Variants in CELSR2 observed in about 807,000 individuals in gnomAD.
CELSR2 encodes the protein cadherin EGF LAG seven-pass G-type receptor 2, also known as EGF-like protein 2.
In CELSR2, 81 loss-of-function variants were observed where a neutral mutation model predicts 251.6. That is an observed-to-expected ratio of 0.32 (90% CI 0.27 to 0.39). The LOEUF (loss-of-function observed/expected upper bound fraction) is 0.39. Ranked by LOEUF, CELSR2 falls within the 10% of genes least tolerant of loss-of-function variation. CELSR2 has a pLI of 1.00. For missense variants in CELSR2, 3,365 were observed against 3,947.7 expected, an observed-to-expected ratio of 0.85 and a Z score of 3.96; for synonymous variants, 1,721 against 1,670.5, an observed-to-expected ratio of 1.03 and a Z score of -0.74.
At position 109,262,946 on chromosome 1, in the gene CELSR2, T is replaced by C. The variant is rs202022169; in HGVS notation, c.4685T>C (p.Ile1562Thr). 3.8e-4 allele frequency: 611 copies of C among 1,613,624 alleles called. No individual in the cohort carries two copies. The Middle Eastern group carries it at 3.8e-3, about 10-fold the overall frequency. ...DSRHIDMADF[I>T]ANNGTVPGCP... ...CGGCACATAGACATGGCTGACTTCA[T>C]TGCCAACAATGGCACCGTGCCTGGT... The change falls in exon 7 of 34, where the codon ATT becomes ACT. Residue 1562 changes from isoleucine to threonine, a missense_variant. Physicochemically the swap from Ile to Thr is moderately conservative, Grantham distance 89. Transcript: ENST00000271332.
Position 109,261,089 on chromosome 1 carries a change from G to T in CELSR2, c.4006G>T (p.Val1336Phe), listed in dbSNP as rs771439750. The T allele has an allele frequency of 6.2e-7, 1 of 1,614,116 alleles. No individual in the cohort carries two copies. The highest frequency in any genetic ancestry group is 2.2e-5 in the East Asian group (1 of 44,888). The change falls in exon 3 of 34, where the codon GTC (valine) becomes TTC (phenylalanine). Residue 1336 changes from valine to phenylalanine, a missense_variant. Physicochemically the swap from Val to Phe is conservative, Grantham distance 50. Transcript: ENST00000271332. The surrounding 1 kb of genome is among the most constrained non-coding windows in gnomAD (Gnocchi z 4.8). ...SARSGRCTPG[V>F]CKNGGTCVNL... Reference sequence around the variant, plus strand: ...TCGCTCAGGCCGTTGCACCCCGGGTGTCTGCAAGAATGGGGGCACCTGTGT... The same window carrying T: ...TCGCTCAGGCCGTTGCACCCCGGGTTTCTGCAAGAATGGGGGCACCTGTGT...
rs1655935094 is a variant in CELSR2 at position 109,258,789 on chromosome 1, G to T, written c.3668G>T (p.Arg1223Leu). The stretch of plus-strand genomic sequence containing the variant: ...CTGCTGACGGCCATCTCGGCACAGC[G>T]CGTGCTGCCCTTCGACGACAACATC... ...RSLLTAISAQ[R>L]VLPFDDNICL... The change falls in exon 2 of 34, where the codon CGC becomes CTC. Residue 1223 changes from arginine (R) to leucine (L), a missense_variant. Coordinates refer to ENST00000271332, the MANE Select transcript of CELSR2 (RefSeq NM_001408.3). The T allele has an allele frequency of 6.2e-7, 1 of 1,607,626 alleles. No individual in the cohort carries two copies. Among genetic ancestry groups the T allele is most frequent in the African/African-American group, 1.3e-5 (1 of 74,836 alleles).
Position 109,273,690 on chromosome 1 carries a change from C to T in CELSR2, c.8744+20C>T, listed in dbSNP as rs199836697. ...CTCCGAGTGAGTGTGGCCGGGTGGGCGGGACGGGGTGCAGCCCCTCGGAGG... is the reference window on the plus strand; with the variant it reads ...CTCCGAGTGAGTGTGGCCGGGTGGGTGGGACGGGGTGCAGCCCCTCGGAGG... On this transcript the variant is annotated intron_variant, in intron 33 of 33. Coordinates refer to ENST00000271332, the MANE Select transcript of CELSR2 (RefSeq NM_001408.3). 71 of 467,694 alleles carry T rather than the reference C, an allele frequency of 1.5e-4. No individual in the cohort carries two copies. The East Asian group carries it at 2.9e-3, about 19-fold the overall frequency. 29.0% of individuals were successfully genotyped at this position (467,694 alleles called of 1,614,324 possible). A position where few individuals can be genotyped will look rare whatever the true frequency, so the allele number is the denominator to read the frequency against.
rs753241841 is a variant in CELSR2, at chr1:109,267,930, C to T, written c.6188C>T (p.Thr2063Met). The part of the protein sequence containing the change: ...QQLALLLRNA[T>M]QHTAGYFGSD... ...CTAGCCCTGCTCCTGCGCAACGCCA[C>T]GCAGCACACAGCTGGCTACTTCGGC... The change falls in exon 17 of 34, where the codon ACG becomes ATG. Residue 2063 changes from threonine to methionine, a missense_variant. Transcript: ENST00000271332. 5.0e-6 allele frequency: 8 copies of T among 1,611,674 alleles called. No homozygotes were observed. The highest frequency in any genetic ancestry group is 2.2e-5 in the East Asian group (1 of 44,892).
chr1:109,263,334 G>A, intron 8 of CELSR2, 67 bp downstream of exon 8: 3 of 1,527,224 alleles, frequency 2.0e-6, no homozygotes, highest in Non-Finnish European at 2.6e-6. Context: ...TGGCAGGGTT[G>A]GGGCAGGCAC....
Position 109,258,445 on chromosome 1 carries a change from C to T in CELSR2, c.3324C>T (p.Ser1108=), listed in dbSNP as rs771138790. Residue 1108 remains serine (S), a synonymous_variant, in exon 2 of 34, where the codon AGC becomes AGT. Coordinates refer to ENST00000271332, the MANE Select transcript of CELSR2 (RefSeq NM_001408.3). The part of the protein sequence containing the change: ...MSVLVSDGVH[S]VTAQCALRVT... The stretch of plus-strand genomic sequence containing the variant: ...CCCTCTCCACAGACGGCGTACACAG[C>T]GTGACCGCCCAGTGCGCGCTGCGTG... 5.7e-6 allele frequency: 9 copies of T among 1,589,054 alleles called. No individual in the cohort carries two copies. Among genetic ancestry groups the T allele is most frequent in the African/African-American group, 1.3e-5 (1 of 74,532 alleles).
In CELSR2 at chr1:109,253,080, G is replaced by C; in HGVS notation, c.3001G>C (p.Ala1001Pro). The C allele has an allele frequency of 6.2e-7, 1 of 1,613,736 alleles. No homozygotes were observed. Among genetic ancestry groups the C allele is most frequent in the Non-Finnish European group, 8.5e-7 (1 of 1,180,028 alleles). The change falls in exon 1 of 34, where the codon GCT becomes CCT. Residue 1001 changes from alanine to proline, a missense_variant. Coordinates refer to ENST00000271332, the MANE Select transcript of CELSR2 (RefSeq NM_001408.3). ...CGTCCTGGTCATCCAGGCCACGTCA[G>C]CTCCTCTGGTGAGCCGGGCTACAGT... The part of the protein sequence containing the change: ...EYVLVIQATS[A>P]PLVSRATVHV...
Position 109,250,208 on chromosome 1 carries a change from G to A in CELSR2, c.129G>A (p.Arg43=). The A allele has an allele frequency of 6.3e-7, 1 of 1,599,270 alleles. No individual in the cohort carries two copies. Among genetic ancestry groups the A allele is most frequent in the Non-Finnish European group, 8.5e-7 (1 of 1,174,332 alleles). ...QVGPCRSLGS[R]GRGSSGACAP... Reference sequence around the variant, plus strand: ...GGCCCTGTCGTTCCTTGGGGTCCAGGGGACGAGGCTCTTCGGGGGCCTGCG... The same window carrying A: ...GGCCCTGTCGTTCCTTGGGGTCCAGAGGACGAGGCTCTTCGGGGGCCTGCG... The change falls in exon 1 of 34, where the codon AGG becomes AGA. Residue 43 remains arginine (R), a synonymous_variant. Transcript: ENST00000271332. This position sits in a 1 kb window ranked among gnomAD's most constrained non-coding sequence, Gnocchi z 4.4.
intron 1 of CELSR2, among the ~76,000 whole-genome samples, chr1:109,257,965 C>T (rs557868157): frequency 3.9e-5 from 6 of 152,322 alleles, no homozygotes; most frequent in African/African-American, 1.2e-4. Context: ...CCACTCCCCC[C>T]CACCCCCGCC....
chr1:109,261,452 G>A lies in CELSR2; in HGVS notation c.4182-61G>A, dbSNP rs1656019412. The A allele has an allele frequency of 5.3e-6, 8 of 1,504,994 alleles. No individual in the cohort carries two copies. Among genetic ancestry groups the A allele is most frequent in the East Asian group, 2.3e-5 (1 of 44,340 alleles). The allele number at this position is 1,504,994 out of a possible 1,614,324, so 93.2% of individuals were successfully genotyped here. On this transcript the variant is annotated intron_variant, in intron 3 of 33. Coordinates refer to ENST00000271332, the MANE Select transcript of CELSR2 (RefSeq NM_001408.3). This position sits in a 1 kb window ranked among gnomAD's most constrained non-coding sequence, Gnocchi z 4.8. ...CCCTCCCCTGCGCTGGTTAGGTGGCGGGGGTGCTGGCATCCAGGTGGGTAC... is the reference window on the plus strand; with the variant it reads ...CCCTCCCCTGCGCTGGTTAGGTGGCAGGGGTGCTGGCATCCAGGTGGGTAC...
At position 109,249,938 on chromosome 1, in the gene CELSR2, C is replaced by G. The variant is rs1483573063; in HGVS notation, c.-142C>G. The G allele has an allele frequency of 1.2e-4, 93 of 751,866 alleles. No homozygotes were observed. The highest frequency in any genetic ancestry group is 1.6e-4 in the Non-Finnish European group (90 of 575,706). 46.6% of individuals were successfully genotyped at this position (751,866 alleles called of 1,614,324 possible). On this transcript the variant is annotated 5_prime_UTR_variant, in exon 1 of 34. Transcript: ENST00000271332. ...CAGCGCGGGGTCCCGCCGAGCCATCCAGACGCAGGCCCCGCGGGGCGCACG... is the reference window on the plus strand; with the variant it reads ...CAGCGCGGGGTCCCGCCGAGCCATCGAGACGCAGGCCCCGCGGGGCGCACG...
Position 109,258,803 on chromosome 1 carries a change from G to C in CELSR2, c.3682G>C (p.Asp1228His). Residue 1228 changes from aspartate (D) to histidine (H), a missense_variant, in exon 2 of 34, where the codon GAC becomes CAC. Transcript: ENST00000271332. ...CTCGGCACAGCGCGTGCTGCCCTTCGACGACAACATCTGCCTGCGGGAGCC... is the reference window on the plus strand; with the variant it reads ...CTCGGCACAGCGCGTGCTGCCCTTCCACGACAACATCTGCCTGCGGGAGCC... ...AISAQRVLPF[D>H]DNICLREPCE... 2 of 1,610,888 alleles carry C rather than the reference G, an allele frequency of 1.2e-6. No individual in the cohort carries two copies. Among genetic ancestry groups the C allele is most frequent in the Non-Finnish European group, 1.7e-6 (2 of 1,178,700 alleles).
chr1:109,261,191 C>T lies in CELSR2; in HGVS notation c.4108C>T (p.Arg1370Cys), dbSNP rs746383773. ...GAAGCCCTACTGCCAGGTGACCACG[C>T]GCAGCTTCCCCGCCCACTCCTTCAT... ...FEKPYCQVTTRSFPAHSFITF... is the reference protein window; with the variant it reads ...FEKPYCQVTTCSFPAHSFITF... The change falls in exon 3 of 34, where the codon CGC (arginine) becomes TGC (cysteine). Residue 1370 changes from arginine to cysteine, a missense_variant. Physicochemically the swap from Arg to Cys is radical, Grantham distance 180. This residue lies in a region of CELSR2 where 2,093 missense variants were observed against 2,382.8 expected (regional missense o/e 0.88). Coordinates refer to ENST00000271332, the MANE Select transcript of CELSR2 (RefSeq NM_001408.3). The surrounding 1 kb of genome is among the most constrained non-coding windows in gnomAD (Gnocchi z 4.8). 72 of 1,614,014 alleles carry T rather than the reference C, an allele frequency of 4.5e-5. No homozygotes were observed. The highest frequency in any genetic ancestry group is 5.8e-5 in the Non-Finnish European group (68 of 1,180,038).
At chr1:109,273,697 G>C in intron 33 of CELSR2, 27 bp downstream of exon 33, 10 of 1,387,842 alleles carry the variant, frequency 7.2e-6, no homozygotes, top group Non-Finnish European at 9.6e-6. Context: ...GGGCGGGACG[G>C]GGTGCAGCCC....
At chr1:109,270,284 G>A in intron 23 of CELSR2, 142 bp from the exon 24 acceptor site, 1 of 1,263,734 alleles carries the variant, frequency 7.9e-7, no homozygotes, top group Non-Finnish European at 1.1e-6. Flanking sequence ...GGCTCCCCCG[G>A]GATCCCCCAG....
chr1:109,253,418 T>C (rs1196762900), intron 1 of CELSR2, 29 bp downstream of exon 1: 2 of 1,597,832 alleles, frequency 1.3e-6, no homozygotes, highest in African/African-American at 2.7e-5. Context: ...GGCGCTGGGG[T>C]GGGGGTAGCT....
At chr1:109,257,408 C>G (rs1236688692) in intron 1 of CELSR2, among the ~76,000 whole-genome samples, 1 of 151,604 alleles carries the variant, frequency 6.6e-6, no homozygotes, top group Non-Finnish European at 1.5e-5. Context: ...TCCTCCTTCT[C>G]CAGGCCCCAG....
rs373282101 is a variant in CELSR2, at chr1:109,269,496, C to G, written c.6885C>G (p.Pro2295=). 9.3e-6 allele frequency: 15 copies of G among 1,613,978 alleles called. No homozygotes were observed. The highest frequency in any genetic ancestry group is 1.2e-5 in the Non-Finnish European group (14 of 1,180,044). The change falls in exon 21 of 34, where the codon CCC becomes CCG. Residue 2295 remains proline, a synonymous_variant. Coordinates refer to ENST00000271332, the MANE Select transcript of CELSR2 (RefSeq NM_001408.3). The surrounding 1 kb of genome is among the most constrained non-coding windows in gnomAD (Gnocchi z 6.4). The part of the protein sequence containing the change: ...ISVHDDEELL[P]RALDKPVTVQ... Reference sequence around the variant, plus strand: ...TCCATGATGATGAGGAGCTTCTGCCCCGGGCCCTGGACAAACCCGTCACGG... The same window carrying G: ...TCCATGATGATGAGGAGCTTCTGCCGCGGGCCCTGGACAAACCCGTCACGG...
In CELSR2 at chr1:109,264,068, C is replaced by A. The variant is rs747651661; in HGVS notation, c.5002-10C>A. 3.8e-6 allele frequency: 6 copies of A among 1,562,238 alleles called. No homozygotes were observed. The highest frequency in any genetic ancestry group is 5.2e-6 in the Non-Finnish European group (6 of 1,149,212). On this transcript the variant is annotated splice_polypyrimidine_tract_variant and intron_variant, in intron 9 of 33. Coordinates refer to ENST00000271332, the MANE Select transcript of CELSR2 (RefSeq NM_001408.3). ...TCTGCTGACCCTGTTTTCTTTCCTCCTGGTGTCAGCTACGAGAGGGCCACG... is the reference window on the plus strand; with the variant it reads ...TCTGCTGACCCTGTTTTCTTTCCTCATGGTGTCAGCTACGAGAGGGCCACG...
Sources: allele counts gnomAD v4.1 joint callset (sites outside exome capture counted in the v4.1 genomes callset), GRCh38; gene constraint gnomAD v4.1.1; regional missense constraint gnomAD v4.1.1; non-coding constraint Gnocchi (gnomAD v3.1); transcripts MANE v1.5; gene names NCBI Gene and HGNC (gene_info 2026-07-23, HGNC 2026-07-21).